FAM83G: variants seen among roughly 807,000 people sequenced by gnomAD.
FAM83G encodes the protein scaffolding CK1 anchoring protein G.
A neutral mutation model predicts 61.5 loss-of-function variants in FAM83G; 38 were observed. The observed-to-expected ratio is 0.62, with a 90% CI of 0.48 to 0.81. The LOEUF (loss-of-function observed/expected upper bound fraction) is 0.81. Among genes scored for constraint, FAM83G ranks in the 30% least tolerant of loss-of-function variants. The pLI, the probability that FAM83G is intolerant of heterozygous loss-of-function variation, is 0.00. For missense variants in FAM83G, 989 were observed against 1,133.6 expected, an observed-to-expected ratio of 0.87 and a Z score of 1.83; for synonymous variants, 470 against 476.1, an observed-to-expected ratio of 0.99 and a Z score of 0.17.
intron 3 of FAM83G, among the ~76,000 whole-genome samples, chr17:18,983,759 T>C (rs556698251): frequency 1.3e-5 from 2 of 152,152 alleles, no homozygotes; most frequent in African/African-American, 4.8e-5. Context: ...TGTTGTGAAG[T>C]TGGGGTGGTG....
chr17:18,978,815 A>G lies in FAM83G; in HGVS notation c.851T>C (p.Val284Ala), dbSNP rs2043056400. The change falls in exon 5 of 6, where the codon GTG becomes GCG. Residue 284 changes from valine to alanine, a missense_variant. Val to Ala is a moderately conservative substitution (Grantham distance 64, BLOSUM62 0). Coordinates refer to ENST00000388995, the MANE Select transcript of FAM83G (RefSeq NM_001039999.3). ...CACCTGGCCAGACAGCACAGAGATCACATTCCGGTCCGTCCGCGCGGCCGA... is the reference window on the plus strand; with the variant it reads ...CACCTGGCCAGACAGCACAGAGATCGCATTCCGGTCCGTCCGCGCGGCCGA... Reference protein sequence around the residue: ...TWSAARTDRNVISVLSGQVVE... With the variant: ...TWSAARTDRNAISVLSGQVVE... The G allele has an allele frequency of 6.2e-7, 1 of 1,612,932 alleles. No homozygotes were observed. The highest frequency in any genetic ancestry group is 1.3e-5 in the African/African-American group (1 of 75,022).
rs940685173 is a variant in FAM83G, at chr17:18,996,209, CTT to C, written c.522+7309_522+7310del. 2.2e-4 allele frequency among the ~76,000 whole-genome samples: 33 copies of C among 151,606 alleles called. No individual in the cohort carries two copies. The highest frequency in any genetic ancestry group is 6.8e-4 in the African/African-American group (28 of 41,034). ...TTCAAAACAAAAGGCAAACTAAAGA[CTT>C]TTTCAAATATAAAAAAGCTGAGAGA... On this transcript the variant is annotated intron_variant, in intron 2 of 5. Coordinates refer to ENST00000388995, the MANE Select transcript of FAM83G (RefSeq NM_001039999.3). This position sits in a 1 kb window ranked among gnomAD's most constrained non-coding sequence, Gnocchi z 4.4.
Position 18,969,559 on chromosome 17 carries a change from G to T in FAM83G, c.*1800C>A. ...CGCTGGGAGTGGGTGGGTTCAGGAG[G>T]TTGAGCCACTAGGCAGTCAGCCCCC... is the stretch of plus-strand genomic sequence containing the variant. On this transcript the variant is annotated 3_prime_UTR_variant, in exon 6 of 6. Transcript: ENST00000388995. The T allele has an allele frequency of 2.6e-6, 2 of 760,260 alleles. No individual in the cohort carries two copies. Among genetic ancestry groups the T allele is most frequent in the Non-Finnish European group, 4.2e-6 (2 of 479,338 alleles). 47.1% of individuals were successfully genotyped at this position (760,260 alleles called of 1,614,324 possible).
intron 3 of FAM83G, 75 bp downstream of exon 3, chr17:18,988,172 G>A (rs2043316729): frequency 6.4e-7 from 1 of 1,558,548 alleles, no homozygotes. Flanking sequence ...GAGCAGGCAG[G>A]TACTCGAAGT....
At chr17:18,994,308 C>A (rs1327814866) in intron 2 of FAM83G, among the ~76,000 whole-genome samples, 2 of 152,202 alleles carry the variant, frequency 1.3e-5, no homozygotes, top group Non-Finnish European at 1.5e-5. Context: ...AGGATCACCC[C>A]ACTATTTCCA....
chr17:18,988,837 C>T lies in FAM83G; in HGVS notation c.523-423G>A, dbSNP rs538698622. On this transcript the variant is annotated intron_variant, in intron 2 of 5. Coordinates refer to ENST00000388995, the MANE Select transcript of FAM83G (RefSeq NM_001039999.3). ...ACCCAGATCTCTTCCTGTCAGCTGA[C>T]AACATCTGTCCCCATAGCAGGTGAC... 2.0e-5 allele frequency among the ~76,000 whole-genome samples: 3 copies of T among 152,348 alleles called. No individual in the cohort carries two copies. In the South Asian group the frequency reaches 6.2e-4, roughly 32 times the overall value.
chr17:18,975,700 A>T (rs796968692), intron 5 of FAM83G: 3 of 150,368 alleles, frequency 2.0e-5, no homozygotes, highest in African/African-American at 7.3e-5. Flanking sequence ...CATCTCAAAG[A>T]AAAAAAAAAT....
At chr17:18,984,993 G>A (rs894118284) in intron 3 of FAM83G, among the ~76,000 whole-genome samples, 1 of 152,248 alleles carries the variant, frequency 6.6e-6, no homozygotes, top group African/African-American at 2.4e-5. Flanking sequence ...GGGACCAGGA[G>A]TGGGCTTGGC....
At chr17:18,999,829 C>G (rs999403594) in intron 2 of FAM83G, among the ~76,000 whole-genome samples, 5 of 152,258 alleles carry the variant, frequency 3.3e-5, no homozygotes, top group African/African-American at 1.2e-4. Flanking sequence ...ACCGGCGCCT[C>G]ACCTGCCCTC....
rs1217933307 is a variant in FAM83G at position 18,969,124 on chromosome 17, A to G, written c.*2235T>C. The G allele has an allele frequency of 1.2e-6, 2 of 1,613,868 alleles. No homozygotes were observed. The highest frequency in any genetic ancestry group is 3.3e-5 in the Admixed American group (2 of 59,988). ...GAACTTCTACCTCTCCACCATCCTC[A>G]CGCTCGGCATCACAGCCCTGTACAC... is the stretch of plus-strand genomic sequence containing the variant. On this transcript the variant is annotated 3_prime_UTR_variant, in exon 6 of 6. Coordinates refer to ENST00000388995, the MANE Select transcript of FAM83G (RefSeq NM_001039999.3).
Position 19,003,895 on chromosome 17 carries a change from C to T in FAM83G, c.147G>A (p.Val49=). 1 of 1,613,034 alleles carries T rather than the reference C, an allele frequency of 6.2e-7. No homozygotes were observed. The highest frequency in any genetic ancestry group is 8.5e-7 in the Non-Finnish European group (1 of 1,179,936). ...VARGRDAFYE[V]LKRENIRDFL... is the part of the protein sequence containing the mutation. Reference sequence around the variant, plus strand: ...AGTCTCGGATGTTCTCCCGCTTGAGCACCTCGTAGAAGGCGTCCCGGCCGC... The same window carrying T: ...AGTCTCGGATGTTCTCCCGCTTGAGTACCTCGTAGAAGGCGTCCCGGCCGC... Residue 49 remains valine (V), a synonymous_variant, in exon 2 of 6, where the codon GTG becomes GTA. Transcript: ENST00000388995. The surrounding 1 kb of genome is among the most constrained non-coding windows in gnomAD (Gnocchi z 4.5).
At chr17:18,995,858 A>G (rs1051723325) in intron 2 of FAM83G, among the ~76,000 whole-genome samples, 4 of 152,022 alleles carry the variant, frequency 2.6e-5, no homozygotes, top group Non-Finnish European at 5.9e-5. Flanking sequence ...CAGTGAGCCA[A>G]GATTGCGCCA....
At chr17:18,976,824 G>A in intron 5 of FAM83G, 1 of 1,610,726 alleles carries the variant, frequency 6.2e-7, no homozygotes, top group Admixed American at 1.7e-5. Context: ...CTCAGGCTTG[G>A]ACTCACCCCG....
At chr17:18,992,863 A>C (rs1223079730) in intron 2 of FAM83G, among the ~76,000 whole-genome samples, 2 of 152,118 alleles carry the variant, frequency 1.3e-5, no homozygotes, top group Non-Finnish European at 2.9e-5. Context: ...TGGGAGAGGA[A>C]GTGCTGGTGG....
At chr17:19,005,462 C>T (rs532806246), upstream of FAM83G, among the ~76,000 whole-genome samples, 1 of 152,132 alleles carries the variant, frequency 6.6e-6, no homozygotes, top group Non-Finnish European at 1.5e-5. Flanking sequence ...GACAGCAAAG[C>T]CCATTAAATC....
At chr17:18,990,973 C>T (rs1471225555) in intron 2 of FAM83G, among the ~76,000 whole-genome samples, 1 of 152,216 alleles carries the variant, frequency 6.6e-6, no homozygotes, top group Non-Finnish European at 1.5e-5. Flanking sequence ...ACCTTCTGCA[C>T]AAGAGACTGG....
At chr17:18,977,504 C>G in intron 5 of FAM83G, 80 bp downstream of exon 5, 1 of 1,377,658 alleles carries the variant, frequency 7.3e-7, no homozygotes, top group Non-Finnish European at 9.9e-7. Context: ...ACATGGTAGC[C>G]CAGAAGACAA....
At chr17:18,990,694 C>G (rs933744986) in intron 2 of FAM83G, among the ~76,000 whole-genome samples, 9 of 152,218 alleles carry the variant, frequency 5.9e-5, no homozygotes, top group Non-Finnish European at 1.2e-4. Flanking sequence ...TGGATCCCCC[C>G]ACAGTCCTGG....
intron 3 of FAM83G, among the ~76,000 whole-genome samples, chr17:18,981,170 G>A (rs756396232): frequency 3.3e-5 from 5 of 152,208 alleles, no homozygotes; most frequent in African/African-American, 4.8e-5. Context: ...GAATGCCCAG[G>A]ATCGCAGAGG....
Sources: gnomAD v4.1 joint callset for allele counts (sites outside exome capture counted in the v4.1 genomes callset) on GRCh38, gnomAD v4.1.1 for gene constraint, Gnocchi (gnomAD v3.1) non-coding constraint, MANE v1.5 for transcripts, NCBI Gene and HGNC (gene_info 2026-07-23, HGNC 2026-07-21) for gene names.